GALNTL6: variants seen among roughly 807,000 people sequenced by gnomAD.
The protein encoded by GALNTL6 is polypeptide N-acetylgalactosaminyltransferase like 6, also known as polypeptide N-acetylgalactosaminyltransferase-like 6.
A neutral mutation model predicts 73.7 loss-of-function variants in GALNTL6; 46 were observed. That is an observed-to-expected ratio of 0.62 (90% confidence interval 0.49 to 0.80). The LOEUF is 0.80. GALNTL6 is among the 30% of genes least tolerant of loss of function. GALNTL6 has a pLI of 0.00. For synonymous variants in GALNTL6, 259 were observed against 263.7 expected (o/e 0.98, Z 0.17); for missense variants, 604 against 755.0 (o/e 0.80, Z 2.34).
chr4:172,802,615 T>A (rs1433544023), intron 5 of GALNTL6, among the ~76,000 whole-genome samples: 1 of 151,938 alleles, frequency 6.6e-6, no homozygotes, highest in Non-Finnish European at 1.5e-5. Flanking sequence ...GCCCAACATG[T>A]TGAAACCCCA....
intron 2 of GALNTL6, among the ~76,000 whole-genome samples, chr4:172,187,625 C>G (rs575991851): frequency 1.3e-4 from 20 of 152,102 alleles, no homozygotes; most frequent in Middle Eastern, 3.4e-3. Flanking sequence ...AGAAAATAAC[C>G]TCTATCTGTC....
chr4:172,155,295 G>A (rs1021031509), intron 2 of GALNTL6, among the ~76,000 whole-genome samples: 1 of 152,156 alleles, frequency 6.6e-6, no homozygotes, highest in Non-Finnish European at 1.5e-5. Flanking sequence ...ACCGCGCCCG[G>A]CCATCGTACC....
intron 5 of GALNTL6, among the ~76,000 whole-genome samples, chr4:172,358,857 C>CAAAAA (rs56119441): frequency 1.2e-5 from 1 of 85,552 alleles, no homozygotes. Context: ...ATTAAAAAGT[C>CAAAAA]AAAAAAAAAA....
chr4:172,712,394 A>G (rs1041149933), intron 5 of GALNTL6, among the ~76,000 whole-genome samples: 3 of 152,074 alleles, frequency 2.0e-5, no homozygotes, highest in African/African-American at 7.2e-5. Flanking sequence ...TGCACCCAGT[A>G]TCTCGTCATT....
intron 5 of GALNTL6, among the ~76,000 whole-genome samples, chr4:172,657,765 C>T (rs966365468): frequency 2.6e-5 from 4 of 151,576 alleles, no homozygotes; most frequent in Non-Finnish European, 4.4e-5. Flanking sequence ...GGAAAAGTGA[C>T]TGATTAATTT....
Position 171,814,973 on chromosome 4 carries a change from A to T in GALNTL6, c.138+255A>T, listed in dbSNP as rs769577032. 60 of 558,736 alleles carry T rather than the reference A, an allele frequency of 1.1e-4. 1 individual carries two copies. The highest frequency in any genetic ancestry group is 1.7e-4 in the Non-Finnish European group (53 of 316,518). 34.6% of individuals were successfully genotyped at this position (558,736 alleles called of 1,614,324 possible). A position where few individuals can be genotyped will look rare whatever the true frequency, so the allele number is the denominator to read the frequency against. ...GAAGAAGAGAAGATAATCTTTCACCATTGGTCTTAGGTTGATTTTGACTTG... is the reference window on the plus strand; with the variant it reads ...GAAGAAGAGAAGATAATCTTTCACCTTTGGTCTTAGGTTGATTTTGACTTG... On this transcript the variant is annotated intron_variant, in intron 2 of 12. Coordinates refer to ENST00000506823, the MANE Select transcript of GALNTL6 (RefSeq NM_001034845.3).
Position 172,272,251 on chromosome 4 carries a change from G to A in GALNTL6, c.248-39363G>A, listed in dbSNP as rs1379964591. The stretch of plus-strand genomic sequence containing the variant: ...ATTACAGGTGTGAGCCACTGCACCC[G>A]GCCCCATGGCCATCATAGTTTAATG... On this transcript the variant is annotated intron_variant, in intron 3 of 12. Transcript: ENST00000506823. Among the ~76,000 whole-genome samples, 6 of 152,102 alleles carry A rather than the reference G, an allele frequency of 3.9e-5. No homozygotes were observed. In the East Asian group the frequency reaches 5.8e-4, roughly 15 times the overall value.
chr4:172,783,475 C>A (rs1739485849), intron 5 of GALNTL6, among the ~76,000 whole-genome samples: 1 of 146,664 alleles, frequency 6.8e-6, no homozygotes, highest in Non-Finnish European at 1.5e-5. Context: ...ATATTATACA[C>A]TATTAATAAT....
chr4:172,612,550 T>G (rs1361547528), intron 5 of GALNTL6, among the ~76,000 whole-genome samples: 2 of 152,056 alleles, frequency 1.3e-5, no homozygotes, highest in Admixed American at 1.3e-4. Flanking sequence ...AGTCACGTGG[T>G]CATCCTTCCC....
At chr4:172,811,289 C>G (rs1205924464) in intron 6 of GALNTL6, among the ~76,000 whole-genome samples, 2 of 152,166 alleles carry the variant, frequency 1.3e-5, no homozygotes, top group African/African-American at 4.8e-5. Flanking sequence ...TGCTTTCAAC[C>G]TAAGCTAGGA....
intron 5 of GALNTL6, among the ~76,000 whole-genome samples, chr4:172,612,189 G>A (rs1738549566): frequency 6.6e-6 from 1 of 152,008 alleles, no homozygotes; most frequent in African/African-American, 2.4e-5. Context: ...TAAAGTTGGG[G>A]GTGGGGTATC....
At chr4:172,442,963 T>A (rs1010568210) in intron 5 of GALNTL6, among the ~76,000 whole-genome samples, 1 of 151,820 alleles carries the variant, frequency 6.6e-6, no homozygotes, top group South Asian at 2.1e-4. Flanking sequence ...AAGGGGATTT[T>A]ATCTATTGGT....
At chr4:172,282,927 TAAGAC>T (rs894521077) in intron 3 of GALNTL6, among the ~76,000 whole-genome samples, 4 of 152,180 alleles carry the variant, frequency 2.6e-5, no homozygotes, top group African/African-American at 9.6e-5. Flanking sequence ...ATTCATTTCT[TAAGAC>T]AAGGAAGAAA....
At chr4:172,760,198 G>A (rs893415054) in intron 5 of GALNTL6, among the ~76,000 whole-genome samples, 1 of 152,146 alleles carries the variant, frequency 6.6e-6, no homozygotes, top group Non-Finnish European at 1.5e-5. Flanking sequence ...CAACCACCCA[G>A]TGAACTCTGT....
chr4:172,830,489 G>A (rs1327461174), intron 7 of GALNTL6, among the ~76,000 whole-genome samples: 4 of 152,116 alleles, frequency 2.6e-5, no homozygotes, highest in African/African-American at 7.2e-5. Context: ...AAAAGAAAAC[G>A]GACAAAAGGT....
chr4:172,655,366 TC>T (rs1730932686), intron 5 of GALNTL6, among the ~76,000 whole-genome samples: 1 of 152,200 alleles, frequency 6.6e-6, no homozygotes, highest in African/African-American at 2.4e-5. Flanking sequence ...AGCCTTTTCC[TC>T]CTTTAAGCTA....
At chr4:172,990,558 T>C (rs1008746698) in intron 10 of GALNTL6, among the ~76,000 whole-genome samples, 2 of 151,294 alleles carry the variant, frequency 1.3e-5, no homozygotes, top group East Asian at 3.9e-4. Context: ...TCTACAAGAG[T>C]CCTGAAAGTT....
intron 2 of GALNTL6, among the ~76,000 whole-genome samples, chr4:172,137,987 A>G (rs755259821): frequency 3.3e-5 from 5 of 152,054 alleles, no homozygotes; most frequent in East Asian, 1.9e-4. Context: ...ACCAACCTAC[A>G]GTGATTTGGT....
chr4:172,802,811 A>AAAC (rs938478303), intron 5 of GALNTL6, among the ~76,000 whole-genome samples: 18 of 76,574 alleles, frequency 2.4e-4, no homozygotes, highest in African/African-American at 6.3e-4. Context: ...ACAAACAAAC[A>AAAC]AACAACAACA....
Sources: gnomAD v4.1 joint callset for allele counts (sites outside exome capture counted in the v4.1 genomes callset) on GRCh38, gnomAD v4.1.1 for gene constraint, MANE v1.5 for transcripts, NCBI Gene and HGNC (gene_info 2026-07-23, HGNC 2026-07-21) for gene names.